The following PDE1C variants were observed in gnomAD, a reference collection of about 807,000 sequenced individuals.
PDE1C encodes dual specificity calcium/calmodulin-dependent 3',5'-cyclic nucleotide phosphodiesterase 1C.
A neutral mutation model predicts 93.1 loss-of-function variants in PDE1C; 62 were observed. The ratio of observed to expected loss-of-function variants is 0.67; its 90% CI spans 0.54 to 0.82. The LOEUF (loss-of-function observed/expected upper bound fraction) is 0.82. Among genes scored for constraint, PDE1C ranks in the 40% least tolerant of loss-of-function variants. The pLI, the probability that PDE1C is intolerant of heterozygous loss-of-function variation, is 0.00. For missense variants in PDE1C, 742 were observed against 884.6 expected, an observed-to-expected ratio of 0.84 and a Z score of 2.04; for synonymous variants, 325 against 310.1, an observed-to-expected ratio of 1.05 and a Z score of -0.50.
rs755728659 is a variant in PDE1C, at chr7:32,309,583, G to C, written c.311-100044C>G. On this transcript the variant is annotated intron_variant, in intron 1 of 1. Coordinates refer to the PDE1C transcript ENST00000672256. ...AAACTCTACAAGCCAGAAGGGAGTG[G>C]GGGCCAATATTCAACATTCTTATAG... Among the ~76,000 whole-genome samples the C allele has an allele frequency of 3.3e-5, 5 of 152,166 alleles. No individual in the cohort carries two copies. The South Asian group carries it at 1.0e-3, about 32-fold the overall frequency.
chr7:32,028,836 T>TC (rs1789847495), intron 2 of PDE1C, among the ~76,000 whole-genome samples: 1 of 152,082 alleles, frequency 6.6e-6, no homozygotes, highest in Admixed American at 6.6e-5. Flanking sequence ...AACCATCAAT[T>TC]CCCCATTCCT....
chr7:31,727,208 A>C, the PDE1C span, among the ~76,000 whole-genome samples: 1 of 152,064 alleles, frequency 6.6e-6, no homozygotes, highest in Non-Finnish European at 1.5e-5. Flanking sequence ...GACGCCCCAC[A>C]GTTCTCTGTG....
At chr7:32,112,941 C>T (rs920101065) in intron 3 of PDE1C, among the ~76,000 whole-genome samples, 9 of 148,046 alleles carry the variant, frequency 6.1e-5, no homozygotes, top group Non-Finnish European at 1.2e-4. Flanking sequence ...TAAAGACATA[C>T]TCCTCCTCTT....
intron 1 of PDE1C, among the ~76,000 whole-genome samples, chr7:32,322,957 G>A (rs368799731): frequency 6.6e-5 from 10 of 152,110 alleles, no homozygotes; most frequent in African/African-American, 2.2e-4. Flanking sequence ...ATCAGAAGGT[G>A]ACACAAAGGG....
chr7:31,698,822 G>A, the PDE1C span, among the ~76,000 whole-genome samples: 6 of 152,294 alleles, frequency 3.9e-5, no homozygotes, highest in East Asian at 3.9e-4. Flanking sequence ...AATCCTTTCC[G>A]AGGAAGAGAT....
intron 2 of PDE1C, among the ~76,000 whole-genome samples, chr7:31,973,977 T>C (rs1811307017): frequency 6.6e-6 from 1 of 152,222 alleles, no homozygotes; most frequent in Non-Finnish European, 1.5e-5. Context: ...AGATTTTCTT[T>C]AAAATGTATT....
chr7:32,315,852 G>C (rs529375996), intron 1 of PDE1C, among the ~76,000 whole-genome samples: 21 of 152,042 alleles, frequency 1.4e-4, no homozygotes, highest in Non-Finnish European at 5.9e-5. Flanking sequence ...AAAATTAGCC[G>C]GGCATGGTGG....
the PDE1C span, among the ~76,000 whole-genome samples, chr7:31,742,117 C>G: frequency 1.3e-5 from 2 of 152,164 alleles, no homozygotes; most frequent in Non-Finnish European, 2.9e-5. Flanking sequence ...GGAATAAAGG[C>G]ATGAAGAAAG....
intron 16 of PDE1C, among the ~76,000 whole-genome samples, chr7:31,794,473 A>G (rs925377077): frequency 6.6e-6 from 1 of 151,908 alleles, no homozygotes; most frequent in Non-Finnish European, 1.5e-5. Context: ...TTCATTTAGC[A>G]TGTTCTTTCT....
intron 3 of PDE1C, among the ~76,000 whole-genome samples, chr7:32,131,570 T>C (rs1799922883): frequency 6.6e-6 from 1 of 152,164 alleles, no homozygotes; most frequent in Non-Finnish European, 1.5e-5. Context: ...ATGAGGCCTA[T>C]TGGGCCTAAT....
At chr7:32,301,818 A>G (rs1812887992), upstream of PDE1C, among the ~76,000 whole-genome samples, 1 of 152,266 alleles carries the variant, frequency 6.6e-6, no homozygotes, top group Non-Finnish European at 1.5e-5. Flanking sequence ...CTGCTTTGGT[A>G]GTTGGAGCAG....
intron 1 of PDE1C, among the ~76,000 whole-genome samples, chr7:32,068,331 T>A (rs1466019957): frequency 1.3e-5 from 2 of 152,192 alleles, no homozygotes; most frequent in Non-Finnish European, 2.9e-5. Flanking sequence ...TTCCAAGTTG[T>A]ATAAAAGAGT....
Position 32,109,602 on chromosome 7 carries a change from T to C in PDE1C, c.308+60183A>G, listed in dbSNP as rs139774378. 4.5e-3 allele frequency among the ~76,000 whole-genome samples: 679 copies of C among 152,236 alleles called. 4 individuals carry two copies. The highest frequency in any genetic ancestry group is 0.016 in the African/African-American group (660 of 41,532). On this transcript the variant is annotated intron_variant, in intron 3 of 18. Transcript: ENST00000396193. ...GACAACCCAAAATGTCTCCAGACAT[T>C]GTCAGATGTCCCTGGGAGGCAAAAC...
At chr7:32,401,840 G>C (rs1784948844) in intron 1 of PDE1C, among the ~76,000 whole-genome samples, 1 of 152,202 alleles carries the variant, frequency 6.6e-6, no homozygotes, top group Admixed American at 6.5e-5. Context: ...CAGTCTTTCA[G>C]CAGAGTGTAG....
intron 9 of PDE1C, 150 bp from the exon 10 acceptor site, chr7:31,838,121 T>C: frequency 1.6e-6 from 1 of 625,480 alleles, no homozygotes; most frequent in Non-Finnish European, 2.9e-6. Flanking sequence ...GCTTTTCAAA[T>C]AAGGAATAAA....
At chr7:32,358,227 C>T (rs550221344) in intron 1 of PDE1C, among the ~76,000 whole-genome samples, 5 of 152,328 alleles carry the variant, frequency 3.3e-5, no homozygotes, top group East Asian at 1.9e-4. Context: ...TGCCCATGCC[C>T]TCCAGAACAA....
chr7:32,188,795 G>A (rs1042667341), intron 2 of PDE1C, among the ~76,000 whole-genome samples: 1 of 151,988 alleles, frequency 6.6e-6, no homozygotes, highest in African/African-American at 2.4e-5. Flanking sequence ...TAATCATTCT[G>A]GAGTGCAAAA....
intron 2 of PDE1C, among the ~76,000 whole-genome samples, chr7:31,905,038 A>C (rs1274190863): frequency 6.6e-6 from 1 of 152,130 alleles, no homozygotes; most frequent in East Asian, 1.9e-4. Context: ...GCTGACATGG[A>C]CCTTGGCCTC....
At chr7:31,679,801 T>G in the PDE1C span, among the ~76,000 whole-genome samples, 1 of 152,268 alleles carries the variant, frequency 6.6e-6, no homozygotes, top group East Asian at 1.9e-4. Flanking sequence ...ATATGAACGC[T>G]TGAGGTAATG....
Sources: gnomAD v4.1 joint callset for allele counts (sites outside exome capture counted in the v4.1 genomes callset) on GRCh38, gnomAD v4.1.1 for gene constraint, MANE v1.5 for transcripts, NCBI Gene and HGNC (gene_info 2026-07-23, HGNC 2026-07-21) for gene names.